SPG7: variants seen among roughly 807,000 people sequenced by gnomAD.
SPG7 encodes the protein mitochondrial inner membrane m-AAA protease component paraplegin.
A neutral mutation model predicts 81.9 loss-of-function variants in SPG7; 103 were observed. The ratio of observed to expected loss-of-function variants is 1.26; its 90% CI spans 1.07 to 1.48. The LOEUF is 1.48. Ranked by LOEUF, SPG7 falls within the 40% of genes most tolerant of loss-of-function variation. SPG7 has a pLI of 0.00. For synonymous variants in SPG7, 534 were observed against 444.2 expected (o/e 1.20, Z -2.54); for missense variants, 1,241 against 1,087.3 (o/e 1.14, Z -1.99).
intron 11 of SPG7, 47 bp from the exon 12 acceptor site, chr16:89,547,956 G>T: frequency 2.1e-6 from 3 of 1,450,434 alleles, no homozygotes; most frequent in Non-Finnish European, 2.9e-6. Flanking sequence ...CTTAAGCCCT[G>T]ATAGCAGAAA....
chr16:89,537,887 T>C, intron 9 of SPG7: 1 of 595,446 alleles, frequency 1.7e-6, no homozygotes. Flanking sequence ...CGCTCTGCCC[T>C]GGGAGCCGTG....
intron 9 of SPG7, among the ~76,000 whole-genome samples, chr16:89,536,382 G>A (rs2058417016): frequency 2.6e-5 from 4 of 152,164 alleles, no homozygotes; most frequent in Admixed American, 2.0e-4. Flanking sequence ...TCAAGGATGG[G>A]TGGGTGGTTT....
At chr16:89,510,432 G>T in intron 1 of SPG7, 58 bp from the exon 2 acceptor site, 1 of 1,070,506 alleles carries the variant, frequency 9.3e-7, no homozygotes, top group East Asian at 2.4e-5. Context: ...AGTCTGCATT[G>T]CTTTGGTACT....
intron 12 of SPG7, chr16:89,548,612 C>A: frequency 3.2e-6 from 1 of 316,598 alleles, no homozygotes; most frequent in Non-Finnish European, 6.2e-6. Flanking sequence ...TGGTCCCGAC[C>A]GTCAGTAGGA....
At chr16:89,544,796 T>G in intron 10 of SPG7, 24 bp downstream of exon 10, 1 of 1,613,486 alleles carries the variant, frequency 6.2e-7, no homozygotes. Flanking sequence ...TCCCAGCCTC[T>G]CCCACTCCAC....
intron 4 of SPG7, 83 bp downstream of exon 4, chr16:89,524,330 G>C: frequency 6.7e-7 from 1 of 1,494,804 alleles, no homozygotes; most frequent in Non-Finnish European, 9.0e-7. Flanking sequence ...GGGCTCCTGT[G>C]AATGAGGGTG....
In SPG7 at chr16:89,510,482, T is replaced by A; in HGVS notation, c.184-8T>A. 3.2e-6 allele frequency: 5 copies of A among 1,568,550 alleles called. No individual in the cohort carries two copies. Among genetic ancestry groups the A allele is most frequent in the Non-Finnish European group, 4.4e-6 (5 of 1,142,032 alleles). On this transcript the variant is annotated splice_polypyrimidine_tract_variant and splice_region_variant and intron_variant, in intron 1 of 16. Coordinates refer to ENST00000645818, the MANE Select transcript of SPG7 (RefSeq NM_003119.4). ...TGACCTCCAGTATTGTTTTTTTTTT[T>A]TTTTCAGAGCTTACAATTGAGACTG...
Position 89,553,779 on chromosome 16 carries a change from G to A in SPG7, c.1937-15G>A, listed in dbSNP as rs201272528. The A allele has an allele frequency of 4.0e-5, 65 of 1,613,020 alleles. 1 individual carries two copies. The highest frequency in any genetic ancestry group is 1.5e-4 in the South Asian group (14 of 91,062). ...GCAGTGCTGAGGATGCCTCTGTCTCGACCCCGCCCTCCAGGGGCACAGGAC... is the reference window on the plus strand; with the variant it reads ...GCAGTGCTGAGGATGCCTCTGTCTCAACCCCGCCCTCCAGGGGCACAGGAC... On this transcript the variant is annotated splice_polypyrimidine_tract_variant and intron_variant, in intron 14 of 16. Transcript: ENST00000645818.
At position 89,544,763 on chromosome 16, in the gene SPG7, C is replaced by T. The variant is rs1288645102; in HGVS notation, c.1440C>T (p.Pro480=). Residue 480 remains proline (P), a synonymous_variant, in exon 10 of 17, where the codon CCC becomes CCT. Coordinates refer to ENST00000645818, the MANE Select transcript of SPG7 (RefSeq NM_003119.4). ...ACCGGCACGTCTTCATTGATCTCCCCACGCTGCAGGTCAGAGCCAGGATCC... is the reference window on the plus strand; with the variant it reads ...ACCGGCACGTCTTCATTGATCTCCCTACGCTGCAGGTCAGAGCCAGGATCC... ...RLDRHVFIDL[P]TLQERREIFE... is the part of the protein sequence containing the mutation. The T allele has an allele frequency of 6.2e-7, 1 of 1,614,064 alleles. No individual in the cohort carries two copies.
At chr16:89,535,739 A>C (rs567423146) in intron 9 of SPG7, among the ~76,000 whole-genome samples, 16 of 152,232 alleles carry the variant, frequency 1.1e-4, no homozygotes, top group Non-Finnish European at 1.8e-4. Flanking sequence ...CTGTACCTCA[A>C]GCGGAGATCA....
At chr16:89,529,998 T>C (rs1332072313) in intron 6 of SPG7, 19 of 307,672 alleles carry the variant, frequency 6.2e-5, no homozygotes. Flanking sequence ...CGCCACCACG[T>C]CCAGCTAATT....
chr16:89,515,071 G>C (rs1438848494), intron 3 of SPG7, among the ~76,000 whole-genome samples: 1 of 150,982 alleles, frequency 6.6e-6, no homozygotes, highest in African/African-American at 2.4e-5. Context: ...CGAGTAGCTG[G>C]GACTACAGGT....
chr16:89,531,673 C>G, intron 7 of SPG7: 1 of 561,210 alleles, frequency 1.8e-6, no homozygotes, highest in South Asian at 2.0e-5. Context: ...CGCACCTGGC[C>G]TGCAAGAAGT....
chr16:89,528,395 CAAA>C (rs1184740621), intron 5 of SPG7, among the ~76,000 whole-genome samples: 11 of 93,490 alleles, frequency 1.2e-4, no homozygotes, highest in African/African-American at 2.8e-4. Context: ...CCATCTCAAA[CAAA>C]AAAAAAAAAA....
At chr16:89,540,717 T>C (rs954827295) in intron 9 of SPG7, 14 of 203,928 alleles carry the variant, frequency 6.9e-5, no homozygotes, top group Middle Eastern at 5.0e-3. Flanking sequence ...GTTTGGCAGC[T>C]TCTTAAAAAA....
intron 9 of SPG7, among the ~76,000 whole-genome samples, chr16:89,534,382 C>CGTCTTGTT (rs2058384924): frequency 6.6e-6 from 1 of 152,216 alleles, no homozygotes; most frequent in Non-Finnish European, 1.5e-5. Context: ...GTAGGGGCTG[C>CGTCTTGTT]GTCTTGTTAT....
intron 11 of SPG7, chr16:89,547,216 C>T: frequency 4.9e-6 from 1 of 205,364 alleles, no homozygotes; most frequent in African/African-American, 2.3e-5. Context: ...ACAAACCTCC[C>T]TTTTATTATG....
chr16:89,549,622 C>T (rs893050861), intron 12 of SPG7: 4 of 223,244 alleles, frequency 1.8e-5, no homozygotes, highest in South Asian at 6.0e-5. Flanking sequence ...GAGCCGTGAT[C>T]GCACCACTGC....
intron 11 of SPG7, 160 bp from the exon 12 acceptor site, chr16:89,547,843 C>T (rs913354402): frequency 4.4e-6 from 3 of 683,436 alleles, no homozygotes; most frequent in Non-Finnish European, 8.0e-6. Flanking sequence ...AAACTCCTGA[C>T]CTCAGGTGAT....
Sources: allele counts gnomAD v4.1 joint callset (sites outside exome capture counted in the v4.1 genomes callset), GRCh38; gene constraint gnomAD v4.1.1; transcripts MANE v1.5; gene names NCBI Gene and HGNC (gene_info 2026-07-23, HGNC 2026-07-21).